The following AIG1 variants were observed in gnomAD, a reference collection of about 807,000 sequenced individuals.
The protein encoded by AIG1 is androgen induced 1, also known as androgen-induced gene 1 protein.
Under a neutral mutation model 31.4 loss-of-function variants are expected in AIG1, and 23 were observed. The ratio of observed to expected loss-of-function variants is 0.73; its 90% CI spans 0.53 to 1.04. AIG1 has a LOEUF of 1.04. Ranked by LOEUF, AIG1 falls within the 50% of genes least tolerant of loss-of-function variation. The pLI is 0.00. For missense variants in AIG1, 274 were observed against 295.0 expected (o/e 0.93, Z 0.52); for synonymous variants, 100 against 110.5 (o/e 0.90, Z 0.60).
At chr6:143,165,258 CT>C (rs1228304221) in intron 3 of AIG1, 75 bp downstream of exon 3, 2 of 1,200,102 alleles carry the variant, frequency 1.7e-6, no homozygotes, top group African/African-American at 1.5e-5. Flanking sequence ...CTATTTAGAC[CT>C]TCCATAGAAT....
intron 2 of AIG1, 187 bp from the exon 3 acceptor site, chr6:143,164,895 G>A: frequency 4.1e-6 from 2 of 489,710 alleles, no homozygotes; most frequent in Non-Finnish European, 7.3e-6. Flanking sequence ...GAGAGAGGAG[G>A]CACCTTACCT....
At chr6:143,232,796 G>C (rs1469280692) in intron 3 of AIG1, among the ~76,000 whole-genome samples, 1 of 151,748 alleles carries the variant, frequency 6.6e-6, no homozygotes, top group Non-Finnish European at 1.5e-5. Context: ...TTGCCTTTCT[G>C]CCAATTTTGC....
At chr6:143,188,292 T>C (rs1407054120) in intron 3 of AIG1, 3 of 986,024 alleles carry the variant, frequency 3.0e-6, no homozygotes, top group Non-Finnish European at 3.6e-6. Flanking sequence ...AACATGTTAA[T>C]TGATGTTGAC....
intron 3 of AIG1, among the ~76,000 whole-genome samples, chr6:143,199,153 T>C (rs1790496375): frequency 6.6e-6 from 1 of 152,202 alleles, no homozygotes; most frequent in Non-Finnish European, 1.5e-5. Context: ...ATTAAATCAG[T>C]ATTCGTTGAA....
intron 1 of AIG1, among the ~76,000 whole-genome samples, chr6:143,071,945 A>G (rs1777321467): frequency 1.3e-5 from 2 of 150,830 alleles, no homozygotes; most frequent in African/African-American, 4.9e-5. Flanking sequence ...CACCGTGCCC[A>G]GATTGTTTTT....
chr6:143,251,117 A>T (rs1794978842), intron 3 of AIG1, among the ~76,000 whole-genome samples: 1 of 152,214 alleles, frequency 6.6e-6, no homozygotes, highest in Non-Finnish European at 1.5e-5. Context: ...CAGTGGCGCA[A>T]TCTCGGCTCA....
chr6:143,114,283 T>G (rs985709415), intron 1 of AIG1, among the ~76,000 whole-genome samples: 1 of 152,208 alleles, frequency 6.6e-6, no homozygotes, highest in Non-Finnish European at 1.5e-5. Flanking sequence ...TTTGGTTTTG[T>G]TTTTCTCCTA....
In AIG1 at chr6:143,340,288, G is replaced by A. The variant is rs1346054299; in HGVS notation, c.*612G>A. Reference sequence around the variant, plus strand: ...CTAGATGCAAATGCTGACTAATAAAGACAAAGCCACCCTGAACCTGACGTC... The same window carrying A: ...CTAGATGCAAATGCTGACTAATAAAAACAAAGCCACCCTGAACCTGACGTC... On this transcript the variant is annotated 3_prime_UTR_variant, in exon 6 of 6. Coordinates refer to ENST00000357847, the MANE Select transcript of AIG1 (RefSeq NM_016108.4). 1 of 152,142 alleles carries A rather than the reference G, an allele frequency of 6.6e-6. No homozygotes were observed. The highest frequency in any genetic ancestry group is 1.5e-5 in the Non-Finnish European group (1 of 68,034). 9.4% of individuals were successfully genotyped at this position (152,142 alleles called of 1,614,324 possible).
intron 5 of AIG1, among the ~76,000 whole-genome samples, chr6:143,335,816 G>T (rs887464577): frequency 6.6e-6 from 1 of 151,778 alleles, no homozygotes; most frequent in Non-Finnish European, 1.5e-5. Context: ...TGAGCCGGGC[G>T]TACATGCCTG....
At chr6:143,071,668 G>A (rs1363406653) in intron 1 of AIG1, among the ~76,000 whole-genome samples, 4 of 151,674 alleles carry the variant, frequency 2.6e-5, no homozygotes, top group Non-Finnish European at 5.9e-5. Context: ...TGGTGGTGGT[G>A]GTAGTGGTGG....
chr6:143,091,629 C>T (rs1779312709), intron 1 of AIG1, among the ~76,000 whole-genome samples: 1 of 152,176 alleles, frequency 6.6e-6, no homozygotes, highest in South Asian at 2.1e-4. Context: ...TTGTTAGTCT[C>T]ATAGATGCAC....
intron 3 of AIG1, chr6:143,188,310 G>GTTT: frequency 1.0e-6 from 1 of 985,888 alleles, no homozygotes; most frequent in Non-Finnish European, 1.2e-6. Flanking sequence ...GACACCAGTT[G>GTTT]TTGCTATACA....
intron 3 of AIG1, among the ~76,000 whole-genome samples, chr6:143,215,536 G>A (rs76824894): frequency 0.011 from 1,741 of 152,248 alleles, 35 homozygotes; most frequent in African/African-American, 0.039. Context: ...ACTATCAAGA[G>A]GACTGTTTAA....
Position 143,136,952 on chromosome 6 carries a change from G to A in AIG1, c.259G>A (p.Asp87Asn). The A allele has an allele frequency of 6.6e-7, 1 of 1,509,688 alleles. No individual in the cohort carries two copies. Among genetic ancestry groups the A allele is most frequent in the South Asian group, 1.3e-5 (1 of 76,394 alleles). 93.5% of individuals were successfully genotyped at this position (1,509,688 alleles called of 1,614,324 possible). Residue 87 changes from aspartate (D) to asparagine (N), a missense_variant, in exon 2 of 6, where the codon GAC becomes AAC. Asp to Asn is a conservative substitution (Grantham distance 23, BLOSUM62 1). Transcript: ENST00000357847. ...GCTCAAGAAGCTCATCTCTCTCCGG[G>A]ACTGGATGTTAGCTGTGTTGGCCTT... ...RQLKKLISLR[D>N]WMLAVLAFPV... is the part of the protein sequence containing the mutation.
At chr6:143,190,181 A>G (rs1562475450) in intron 3 of AIG1, 1 of 985,280 alleles carries the variant, frequency 1.0e-6, no homozygotes, top group South Asian at 4.7e-5. Flanking sequence ...CATTCAGCCC[A>G]TAGCAGGATG....
At chr6:143,126,118 G>A (rs912474331) in intron 1 of AIG1, 2 of 152,232 alleles carry the variant, frequency 1.3e-5, no homozygotes, top group African/African-American at 2.4e-5. Context: ...GGTCATTACA[G>A]TGAGAAGTCC....
At chr6:143,059,223 C>T (rs984933333), upstream of AIG1, among the ~76,000 whole-genome samples, 1 of 152,234 alleles carries the variant, frequency 6.6e-6, no homozygotes, top group African/African-American at 2.4e-5. Flanking sequence ...GCAACCCGCT[C>T]CAGTCCCCTT....
chr6:143,275,833 G>A (rs1276133077), intron 3 of AIG1, among the ~76,000 whole-genome samples: 1 of 151,978 alleles, frequency 6.6e-6, no homozygotes, highest in Non-Finnish European at 1.5e-5. Context: ...GTGCTATTCT[G>A]TGAGAACTAC....
intron 3 of AIG1, among the ~76,000 whole-genome samples, chr6:143,271,209 A>C (rs904767114): frequency 6.6e-6 from 1 of 152,246 alleles, no homozygotes; most frequent in Non-Finnish European, 1.5e-5. Flanking sequence ...ATGCCAGTGC[A>C]TCCCAGCTCC....
Sources: gnomAD v4.1 joint callset for allele counts (sites outside exome capture counted in the v4.1 genomes callset) on GRCh38, gnomAD v4.1.1 for gene constraint, MANE v1.5 for transcripts, NCBI Gene and HGNC (gene_info 2026-07-23, HGNC 2026-07-21) for gene names.